GABRG3: variants seen among roughly 807,000 people sequenced by gnomAD.
GABRG3 encodes the protein gamma-aminobutyric acid receptor subunit gamma-3.
GABRG3 carries 25 observed loss-of-function variants against 48.8 expected under a neutral mutation model. The ratio of observed to expected loss-of-function variants is 0.51; its 90% CI spans 0.37 to 0.72. GABRG3 has a LOEUF of 0.72. GABRG3 is among the 30% of genes least tolerant of loss of function. The probability of loss-of-function intolerance (pLI) is 0.00; values close to 1 mark genes in which losing one functional copy is unlikely to be tolerated. For synonymous variants in GABRG3, 227 were observed against 217.6 expected, an observed-to-expected ratio of 1.04 and a Z score of -0.38; for missense variants, 394 against 577.9, an observed-to-expected ratio of 0.68 and a Z score of 3.26.
chr15:27,409,627 A>C (rs539769688), intron 5 of GABRG3, among the ~76,000 whole-genome samples: 2 of 152,316 alleles, frequency 1.3e-5, no homozygotes, highest in East Asian at 3.9e-4. Context: ...GTAGCAAAAA[A>C]AACTCTAGCT....
At chr15:27,525,685 GA>G (rs1891259048) in intron 7 of GABRG3, among the ~76,000 whole-genome samples, 1 of 152,152 alleles carries the variant, frequency 6.6e-6, no homozygotes, top group African/African-American at 2.4e-5. Flanking sequence ...CTTCTTCTTA[GA>G]CATGATGTGG....
intron 5 of GABRG3, among the ~76,000 whole-genome samples, chr15:27,470,729 T>G (rs747640171): frequency 9.2e-5 from 14 of 152,266 alleles, no homozygotes; most frequent in African/African-American, 3.4e-4. Context: ...CCATTTTTAC[T>G]TTTCTTATAG....
chr15:27,197,726 T>C (rs2140426894), intron 3 of GABRG3, among the ~76,000 whole-genome samples: 1 of 152,286 alleles, frequency 6.6e-6, no homozygotes, highest in Non-Finnish European at 1.5e-5. Context: ...TGGCTGTGAA[T>C]CTGTCTCGTC....
chr15:27,045,844 C>T (rs1416213684), intron 3 of GABRG3, among the ~76,000 whole-genome samples: 1 of 152,194 alleles, frequency 6.6e-6, no homozygotes, highest in Non-Finnish European at 1.5e-5. Context: ...TCTGCAAGGC[C>T]ACCTGTCTTC....
chr15:27,303,807 TG>T (rs1383705969), intron 3 of GABRG3, among the ~76,000 whole-genome samples: 1 of 151,556 alleles, frequency 6.6e-6, no homozygotes, highest in African/African-American at 2.4e-5. Context: ...TTTGTGTGTG[TG>T]TGTGTGTATA....
rs79794663 is a variant in GABRG3, at chr15:27,230,147, G to C, written c.271-96662G>C. Among the ~76,000 whole-genome samples the C allele has an allele frequency of 7.0e-4, 106 of 152,122 alleles. No individual in the cohort carries two copies. The East Asian group carries it at 0.016, about 24-fold the overall frequency. The stretch of plus-strand genomic sequence containing the variant: ...GCTATATTCCTAGGTATTTTATTTA[G>C]TGTGTGTGTGGCAATTGTAAATGGG... On this transcript the variant is annotated intron_variant, in intron 3 of 9. Coordinates refer to ENST00000615808, the MANE Select transcript of GABRG3 (RefSeq NM_033223.5).
intron 3 of GABRG3, among the ~76,000 whole-genome samples, chr15:27,145,603 C>CCCTATCTA (rs1555405974): frequency 9.8e-6 from 1 of 102,298 alleles, no homozygotes; most frequent in Non-Finnish European, 2.2e-5. Flanking sequence ...ATATATCTAT[C>CCCTATCTA]TCTATCTATC....
intron 3 of GABRG3, among the ~76,000 whole-genome samples, chr15:27,147,131 G>A (rs1237200443): frequency 6.6e-6 from 1 of 151,926 alleles, no homozygotes; most frequent in African/African-American, 2.4e-5. Flanking sequence ...GAGAGCTGGG[G>A]TTGCTATATT....
intron 3 of GABRG3, among the ~76,000 whole-genome samples, chr15:27,067,412 T>A (rs1896756464): frequency 6.6e-6 from 1 of 152,218 alleles, no homozygotes; most frequent in Non-Finnish European, 1.5e-5. Context: ...GTGTTCCTGC[T>A]AAGGGCTCGC....
At chr15:27,445,872 T>C (rs527623701) in intron 5 of GABRG3, among the ~76,000 whole-genome samples, 4 of 152,306 alleles carry the variant, frequency 2.6e-5, no homozygotes, top group African/African-American at 9.6e-5. Flanking sequence ...GGATATCCAA[T>C]TGTGCCAGCA....
At chr15:27,159,353 G>A (rs1431450463) in intron 3 of GABRG3, among the ~76,000 whole-genome samples, 3 of 151,832 alleles carry the variant, frequency 2.0e-5, no homozygotes, top group African/African-American at 2.4e-5. Context: ...GTGCTGGTGC[G>A]CACCTGTAAT....
chr15:26,972,196 C>A (rs1281468710), intron 1 of GABRG3, among the ~76,000 whole-genome samples: 30 of 152,108 alleles, frequency 2.0e-4, no homozygotes, highest in Non-Finnish European at 1.3e-4. Context: ...GAGGAACACA[C>A]GCACTCCCAC....
intron 5 of GABRG3, among the ~76,000 whole-genome samples, chr15:27,366,922 T>C (rs1895222650): frequency 6.6e-6 from 1 of 152,170 alleles, no homozygotes; most frequent in African/African-American, 2.4e-5. Flanking sequence ...TGCTCCTCAG[T>C]GTCACCTCTG....
intron 5 of GABRG3, among the ~76,000 whole-genome samples, chr15:27,439,033 G>T (rs1282765806): frequency 6.6e-6 from 1 of 152,154 alleles, no homozygotes. Flanking sequence ...TGAATACCTG[G>T]GGAAAGAGGC....
At position 27,537,879 on chromosome 15, in the gene GABRG3, G is replaced by GCCC. The variant is rs1891585186; in HGVS notation, c.*4999_*5001dup. 1 of 150,608 alleles carries GCCC rather than the reference G, an allele frequency of 6.6e-6. No individual in the cohort carries two copies. The highest frequency in any genetic ancestry group is 1.5e-5 in the Non-Finnish European group (1 of 67,696). 9.3% of individuals were successfully genotyped at this position (150,608 alleles called of 1,614,324 possible). ...TTTGAGATGAAGTTTTACTCTTGTT[G>GCCC]CCCAGGCTGGAGTGCAGTGGCGCCA... On this transcript the variant is annotated 3_prime_UTR_variant, in exon 10 of 10. Coordinates refer to ENST00000615808, the MANE Select transcript of GABRG3 (RefSeq NM_033223.5).
intron 5 of GABRG3, among the ~76,000 whole-genome samples, chr15:27,351,935 GGT>G (rs981866591): frequency 3.5e-5 from 5 of 144,600 alleles, no homozygotes; most frequent in Non-Finnish European, 6.1e-5. Context: ...GTGTGTGTAT[GGT>G]GTGTGTTTAT....
chr15:27,046,628 G>T (rs1896370459), intron 3 of GABRG3, among the ~76,000 whole-genome samples: 1 of 152,172 alleles, frequency 6.6e-6, no homozygotes, highest in South Asian at 2.1e-4. Flanking sequence ...CACTTCTGTT[G>T]CTCTGTCATG....
At chr15:27,326,480 C>T (rs908403897) in intron 3 of GABRG3, among the ~76,000 whole-genome samples, 5 of 152,184 alleles carry the variant, frequency 3.3e-5, no homozygotes, top group Admixed American at 2.6e-4. Flanking sequence ...ATAGGTCCTG[C>T]TACCTGTCAA....
intron 3 of GABRG3, among the ~76,000 whole-genome samples, chr15:27,188,825 A>T (rs1318958072): frequency 1.3e-5 from 2 of 152,008 alleles, no homozygotes; most frequent in East Asian, 1.9e-4. Flanking sequence ...TGAATGGTAA[A>T]GCCTAGGTTT....
Sources: gnomAD v4.1 joint callset for allele counts (sites outside exome capture counted in the v4.1 genomes callset) on GRCh38, gnomAD v4.1.1 for gene constraint, MANE v1.5 for transcripts, NCBI Gene and HGNC (gene_info 2026-07-23, HGNC 2026-07-21) for gene names.